Variants in PPP1R3F observed in about 807,000 individuals in gnomAD.
PPP1R3F encodes the protein protein phosphatase 1 regulatory subunit 3F.
Under a neutral mutation model 24.2 loss-of-function variants are expected in PPP1R3F, and 29 were observed. The observed-to-expected ratio is 1.20, with a 90% CI of 0.89 to 1.63. PPP1R3F has a LOEUF of 1.63. Among genes scored for constraint, PPP1R3F ranks in the 40% most tolerant of loss-of-function variants. The pLI is 0.00. For missense variants in PPP1R3F, 823 were observed against 729.3 expected, an observed-to-expected ratio of 1.13 and a Z score of -1.48; for synonymous variants, 363 against 340.1, an observed-to-expected ratio of 1.07 and a Z score of -0.74.
intron 1 of PPP1R3F, among the ~76,000 whole-genome samples, chrX:49,276,571 A>G (rs973651711): frequency 2.4e-4 from 27 of 112,770 alleles, no homozygotes; most frequent in African/African-American, 8.4e-4. Flanking sequence ...AAAGGTAAGT[A>G]TTGTTTCACT....
chrX:49,300,186 G>A, intron 3 of PPP1R3F, among the ~76,000 whole-genome samples: 2 of 111,755 alleles, frequency 1.8e-5, no homozygotes, highest in Non-Finnish European at 1.9e-5. Context: ...AGAAGACCAT[G>A]GGAAAAGCAT....
At chrX:49,278,162 C>G (rs1482418987) in intron 1 of PPP1R3F, among the ~76,000 whole-genome samples, 2 of 112,141 alleles carry the variant, frequency 1.8e-5, no homozygotes, top group Middle Eastern at 9.2e-3. Flanking sequence ...CTAGCTGATT[C>G]CTGAGTGTTC....
chrX:49,269,877 G>A lies in PPP1R3F; in HGVS notation c.8G>A (p.Arg3His). The A allele has an allele frequency of 2.2e-6, 2 of 897,062 alleles. No homozygotes were observed. The highest frequency in any genetic ancestry group is 2.1e-5 in the African/African-American group (1 of 47,682). The allele number at this position is 897,062 out of a possible 1,213,427, so 73.9% of individuals were successfully genotyped here. A position where few individuals can be genotyped will look rare whatever the true frequency, so the allele number is the denominator to read the frequency against. The change falls in exon 1 of 4, where the codon CGT (arginine) becomes CAT (histidine). Residue 3 changes from arginine (R) to histidine (H), a missense_variant. Transcript: ENST00000055335. ...GCCGCCGCCGCCGCCGATATGGCGC[G>A]TACGGCCCCTGTGGAGCCCCCGCTG... is the stretch of plus-strand genomic sequence containing the variant. MARTAPVEPPLRH... is the reference protein window; with the variant it reads MAHTAPVEPPLRH...
rs782023647 is a variant in PPP1R3F at position 49,281,975 on chromosome X, C to T, written c.1061-6C>T. Reference sequence around the variant, plus strand: ...TTGCCCAATGCTGCCTTTCTCTTCCCTCTAGCAGAGCATCCTGATGTCCAG... The same window carrying T: ...TTGCCCAATGCTGCCTTTCTCTTCCTTCTAGCAGAGCATCCTGATGTCCAG... On this transcript the variant is annotated splice_polypyrimidine_tract_variant and splice_region_variant and intron_variant, in intron 2 of 3. Coordinates refer to ENST00000055335, the MANE Select transcript of PPP1R3F (RefSeq NM_033215.5). 3 of 1,196,364 alleles carry T rather than the reference C, an allele frequency of 2.5e-6. No individual in the cohort carries two copies. The highest frequency in any genetic ancestry group is 3.4e-6 in the Non-Finnish European group (3 of 881,285).
At chrX:49,300,291 C>A (rs1195700806) in intron 3 of PPP1R3F, among the ~76,000 whole-genome samples, 6 of 110,114 alleles carry the variant, frequency 5.4e-5, no homozygotes, top group Admixed American at 1.9e-4. Context: ...ACTGCTTCCC[C>A]GGTAAGGCAG....
rs782401456 is a variant in PPP1R3F at position 49,270,116 on chromosome X, G to A, written c.247G>A (p.Asp83Asn). Residue 83 changes from aspartate (D) to asparagine (N), a missense_variant, in exon 1 of 4, where the codon GAC (aspartate) becomes AAC (asparagine). Transcript: ENST00000055335. ...CGGCGGCGGCGGGGCCGACGAGGAC[G>A]ACGATGGCGAGGATGGGGATGAAGG... ...GGGGGGADED[D>N]DGEDGDEGEE... The A allele has an allele frequency of 7.7e-6, 8 of 1,037,023 alleles. No homozygotes were observed. The highest frequency in any genetic ancestry group is 9.8e-6 in the Non-Finnish European group (8 of 813,726). 85.5% of individuals were successfully genotyped at this position (1,037,023 alleles called of 1,213,427 possible).
rs782024642 is a variant in PPP1R3F at position 49,270,462 on chromosome X, A to G, written c.593A>G (p.Tyr198Cys). Residue 198 changes from tyrosine (Y) to cysteine (C), a missense_variant, in exon 1 of 4, where the codon TAC (tyrosine) becomes TGC (cysteine). Physicochemically the swap from Tyr to Cys is radical, Grantham distance 194 (BLOSUM62 -2). Coordinates refer to ENST00000055335, the MANE Select transcript of PPP1R3F (RefSeq NM_033215.5). The part of the protein sequence containing the change: ...WASFCDHPAR[Y>C]VPRSPPWAGA... Reference sequence around the variant, plus strand: ...TCCTTTTGCGACCACCCAGCGCGCTACGTCCCGCGCAGCCCGCCGTGGGCA... The same window carrying G: ...TCCTTTTGCGACCACCCAGCGCGCTGCGTCCCGCGCAGCCCGCCGTGGGCA... The G allele has an allele frequency of 1.4e-5, 17 of 1,199,492 alleles. No individual in the cohort carries two copies. The highest frequency in any genetic ancestry group is 1.9e-5 in the Non-Finnish European group (17 of 893,756).
chrX:49,270,313 C>T lies in PPP1R3F; in HGVS notation c.444C>T (p.Val148=). ...LEALLPPPGA[V]PGGAGVWVPG... ...CGCTGCTGCCGCCTCCCGGAGCGGT[C>T]CCCGGGGGTGCCGGGGTGTGGGTGC... The change falls in exon 1 of 4, where the codon GTC becomes GTT. Residue 148 remains valine (V), a synonymous_variant. Transcript: ENST00000055335. The T allele has an allele frequency of 3.5e-6, 4 of 1,126,909 alleles. No homozygotes were observed. Among genetic ancestry groups the T allele is most frequent in the East Asian group, 6.8e-5 (2 of 29,471 alleles). The allele number at this position is 1,126,909 out of a possible 1,213,427, so 92.9% of individuals were successfully genotyped here.
intron 1 of PPP1R3F, among the ~76,000 whole-genome samples, chrX:49,280,065 C>G (rs2066238135): frequency 9.0e-6 from 1 of 111,104 alleles, no homozygotes; most frequent in African/African-American, 3.3e-5. Flanking sequence ...ATCCTGACTC[C>G]CCGGGGCTCT....
chrX:49,270,539 C>G lies in PPP1R3F; in HGVS notation c.670C>G (p.Leu224Val). The G allele has an allele frequency of 8.3e-7, 1 of 1,204,905 alleles. No homozygotes were observed. The highest frequency in any genetic ancestry group is 1.1e-6 in the Non-Finnish European group (1 of 894,474). ...GDPILDPGLGLGPGQASASSP... is the reference protein window; with the variant it reads ...GDPILDPGLGVGPGQASASSP... ...TCCCATCCTGGATCCGGGGCTCGGC[C>G]TGGGTCCCGGCCAGGCATCCGCCTC... is the stretch of plus-strand genomic sequence containing the variant. The change falls in exon 1 of 4, where the codon CTG becomes GTG. Residue 224 changes from leucine to valine, a missense_variant. Physicochemically the swap from Leu to Val is conservative, Grantham distance 32. Coordinates refer to ENST00000055335, the MANE Select transcript of PPP1R3F (RefSeq NM_033215.5).
chrX:49,287,020 C>T lies in PPP1R3F; in HGVS notation c.2330C>T (p.Pro777Leu). ...LGVLAGLVVV[P>L]VALNSGVSLL... is the part of the protein sequence containing the mutation. ...GTCCTGGCCGGGCTAGTGGTGGTCCCTGTGGCTCTGAACAGCGGTGTGTCC... is the reference window on the plus strand; with the variant it reads ...GTCCTGGCCGGGCTAGTGGTGGTCCTTGTGGCTCTGAACAGCGGTGTGTCC... The change falls in exon 4 of 4, where the codon CCT becomes CTT. Residue 777 changes from proline to leucine, a missense_variant. Coordinates refer to ENST00000055335, the MANE Select transcript of PPP1R3F (RefSeq NM_033215.5). 1 of 1,212,051 alleles carries T rather than the reference C, an allele frequency of 8.3e-7. No individual in the cohort carries two copies. Among genetic ancestry groups the T allele is most frequent in the Non-Finnish European group, 1.1e-6 (1 of 895,622 alleles).
rs782270564 is a variant in PPP1R3F, at chrX:49,270,675, A to C, written c.806A>C (p.Glu269Ala). The change falls in exon 1 of 4, where the codon GAG (glutamate) becomes GCG (alanine). Residue 269 changes from glutamate (E) to alanine (A), a missense_variant. Transcript: ENST00000055335. The part of the protein sequence containing the change: ...LDFVVRYETP[E>A]GTFWANNHGR... ...TTCGTGGTGCGCTATGAGACCCCTGAGGGCACTTTCTGGGCCAACAACCAC... is the reference window on the plus strand; with the variant it reads ...TTCGTGGTGCGCTATGAGACCCCTGCGGGCACTTTCTGGGCCAACAACCAC... 1 of 1,208,420 alleles carries C rather than the reference A, an allele frequency of 8.3e-7. No individual in the cohort carries two copies. The highest frequency in any genetic ancestry group is 1.7e-5 in the African/African-American group (1 of 57,537).
rs374414514 is a variant in PPP1R3F at position 49,286,106 on chromosome X, G to A, written c.1416G>A (p.Val472=). 5.1e-6 allele frequency: 6 copies of A among 1,170,488 alleles called. No homozygotes were observed. The African/African-American group carries it at 1.1e-4, about 21-fold the overall frequency. The stretch of plus-strand genomic sequence containing the variant: ...AGAATGGAGGGGGGCTGGAGGCTGT[G>A]AGTGGGTCAGAGGAGCTGCTCGGTG... The part of the protein sequence containing the change: ...SSENGGGLEA[V]SGSEELLGED... The change falls in exon 4 of 4, where the codon GTG becomes GTA. Residue 472 remains valine (V), a synonymous_variant. Coordinates refer to ENST00000055335, the MANE Select transcript of PPP1R3F (RefSeq NM_033215.5).
chrX:49,299,615 C>T, intron 3 of PPP1R3F, among the ~76,000 whole-genome samples: 1 of 111,907 alleles, frequency 8.9e-6, no homozygotes, highest in South Asian at 3.7e-4. Context: ...CCCACAGCCG[C>T]CCCTTCCCCC....
downstream of PPP1R3F, among the ~76,000 whole-genome samples, chrX:49,291,472 C>A (rs1409058441): frequency 9.2e-6 from 1 of 108,336 alleles, no homozygotes; most frequent in African/African-American, 3.4e-5. Context: ...GGATTACAGG[C>A]ATGCACCACC....
chrX:49,293,541 G>A (rs1398567928), intron 3 of PPP1R3F, among the ~76,000 whole-genome samples: 1 of 112,200 alleles, frequency 8.9e-6, no homozygotes, highest in Non-Finnish European at 1.9e-5. Flanking sequence ...ATACTACACA[G>A]CTATGAGATG....
chrX:49,290,326 C>T (rs2147977711), downstream of PPP1R3F, among the ~76,000 whole-genome samples: 1 of 110,851 alleles, frequency 9.0e-6, no homozygotes, highest in African/African-American at 3.3e-5. Context: ...CTATCGTGTG[C>T]CCCTGACACC....
chrX:49,270,976 G>C (rs2066176064), intron 1 of PPP1R3F, 103 bp downstream of exon 1: 2 of 859,690 alleles, frequency 2.3e-6, no homozygotes, highest in Non-Finnish European at 3.2e-6. Flanking sequence ...CCAGGACAGG[G>C]AGGAGGGTGC....
Position 49,270,066 on chromosome X carries a change from C to T in PPP1R3F, c.197C>T (p.Ala66Val), listed in dbSNP as rs2066161583. The T allele has an allele frequency of 1.0e-5, 10 of 989,881 alleles. No homozygotes were observed. Among genetic ancestry groups the T allele is most frequent in the South Asian group, 3.7e-5 (1 of 26,841 alleles). The allele number at this position is 989,881 out of a possible 1,213,427, so 81.6% of individuals were successfully genotyped here. A position where few individuals can be genotyped will look rare whatever the true frequency, so the allele number is the denominator to read the frequency against. The stretch of plus-strand genomic sequence containing the variant: ...GGCGGGCCCGGGGCGGGCAAGATGG[C>T]GGCGGCGGCCGGGCAAGATGGCGGC... ...PWGGPGAGKM[A>V]AAAGQDGGGG... Residue 66 changes from alanine (A) to valine (V), a missense_variant, in exon 1 of 4, where the codon GCG (alanine) becomes GTG (valine). Coordinates refer to ENST00000055335, the MANE Select transcript of PPP1R3F (RefSeq NM_033215.5).
Sources: allele counts gnomAD v4.1 joint callset (sites outside exome capture counted in the v4.1 genomes callset), GRCh38; gene constraint gnomAD v4.1.1; transcripts MANE v1.5; gene names NCBI Gene and HGNC (gene_info 2026-07-23, HGNC 2026-07-21).